Variants in ENPP6 observed in about 807,000 individuals in gnomAD.
ENPP6 encodes ectonucleotide pyrophosphatase/phosphodiesterase 6.
Under a neutral mutation model 42.0 loss-of-function variants are expected in ENPP6, and 32 were observed. The ratio of observed to expected loss-of-function variants is 0.76; its 90% CI spans 0.58 to 1.02. The LOEUF is 1.02. Among genes scored for constraint, ENPP6 ranks in the 50% least tolerant of loss-of-function variants. The pLI, the probability that ENPP6 is intolerant of heterozygous loss-of-function variation, is 0.00. For missense variants in ENPP6, 552 were observed against 566.8 expected, an observed-to-expected ratio of 0.97 and a Z score of 0.27; for synonymous variants, 213 against 216.0, an observed-to-expected ratio of 0.99 and a Z score of 0.12.
At position 184,089,340 on chromosome 4, in the gene ENPP6, T is replaced by C. The variant is rs1337484639; in HGVS notation, c.*1837A>G. ...CAGCTTTCCTGAATCAAGGTGAACG[T>C]TGATATTCAGTTTTCAAGGTAACAC... On this transcript the variant is annotated 3_prime_UTR_variant, in exon 8 of 8. Coordinates refer to ENST00000296741, the MANE Select transcript of ENPP6 (RefSeq NM_153343.4). 1 of 152,210 alleles carries C rather than the reference T, an allele frequency of 6.6e-6. No individual in the cohort carries two copies. The highest frequency in any genetic ancestry group is 1.5e-5 in the Non-Finnish European group (1 of 68,042). 9.4% of individuals were successfully genotyped at this position (152,210 alleles called of 1,614,324 possible).
At chr4:184,179,412 C>T (rs569147709) in intron 1 of ENPP6, among the ~76,000 whole-genome samples, 1 of 152,266 alleles carries the variant, frequency 6.6e-6, no homozygotes, top group South Asian at 2.1e-4. Context: ...CTTAGACTCC[C>T]ACACAATAAT....
rs1177042082 is a variant in ENPP6 at position 184,212,040 on chromosome 4, C to G, written c.241+5539G>C. The stretch of plus-strand genomic sequence containing the variant: ...AAAGCCTTTGACAAAATTCAACAAC[C>G]CTTCATGCTAAAAACTCTCAATAAA... On this transcript the variant is annotated intron_variant, in intron 1 of 7. Coordinates refer to ENST00000296741, the MANE Select transcript of ENPP6 (RefSeq NM_153343.4). Among the ~76,000 whole-genome samples, 26 of 151,132 alleles carry G rather than the reference C, an allele frequency of 1.7e-4. No homozygotes were observed. The East Asian group carries it at 3.9e-3, about 23-fold the overall frequency.
Position 184,112,768 on chromosome 4 carries a change from G to A in ENPP6, c.897C>T (p.Tyr299=), listed in dbSNP as rs200617400. The change falls in exon 6 of 8, where the codon TAC becomes TAT. Residue 299 remains tyrosine (Y), a synonymous_variant. Transcript: ENST00000296741. ...KLSTVEHMTV[Y]EKEAIPSRFY... The stretch of plus-strand genomic sequence containing the variant: ...ACCTGCTTGGGATGGCTTCTTTCTC[G>A]TAGACAGTCATGTGTTCCACTGTGC... The A allele has an allele frequency of 1.7e-4, 282 of 1,614,040 alleles. No homozygotes were observed. In the South Asian group the frequency reaches 2.0e-3, roughly 12 times the overall value.
At chr4:184,170,968 C>A (rs1001370598) in intron 1 of ENPP6, among the ~76,000 whole-genome samples, 3 of 152,146 alleles carry the variant, frequency 2.0e-5, no homozygotes, top group African/African-American at 7.2e-5. Flanking sequence ...TTCTTTTAGG[C>A]GTGTCTATTT....
At chr4:184,139,315 T>C (rs964889261) in intron 2 of ENPP6, among the ~76,000 whole-genome samples, 1 of 152,302 alleles carries the variant, frequency 6.6e-6, no homozygotes, top group African/African-American at 2.4e-5. Context: ...GGAGCAAAGT[T>C]AATTATTCTG....
At chr4:184,102,624 G>C (rs1736024518) in intron 6 of ENPP6, among the ~76,000 whole-genome samples, 1 of 152,194 alleles carries the variant, frequency 6.6e-6, no homozygotes, top group Non-Finnish European at 1.5e-5. Flanking sequence ...GTGGCTGGAG[G>C]GTTGAAATCT....
intron 1 of ENPP6, among the ~76,000 whole-genome samples, chr4:184,207,961 G>T (rs979079883): frequency 6.6e-6 from 1 of 152,030 alleles, no homozygotes; most frequent in Non-Finnish European, 1.5e-5. Flanking sequence ...GTGTCTCTTC[G>T]CCTTCCTATA....
chr4:184,132,949 T>A (rs112133759), intron 2 of ENPP6, among the ~76,000 whole-genome samples: 3,386 of 152,120 alleles, frequency 0.022, 143 homozygotes, highest in African/African-American at 0.077. Context: ...TTGGATCATA[T>A]GTTTGTGGGT....
intron 3 of ENPP6, among the ~76,000 whole-genome samples, chr4:184,122,630 A>G (rs570541605): frequency 6.6e-6 from 1 of 152,274 alleles, no homozygotes; most frequent in African/African-American, 2.4e-5. Flanking sequence ...TGGGATTCTC[A>G]TGGCTGTGTG....
chr4:184,169,184 C>A (rs1251322278), intron 1 of ENPP6, among the ~76,000 whole-genome samples: 2 of 152,244 alleles, frequency 1.3e-5, no homozygotes, highest in Non-Finnish European at 2.9e-5. Flanking sequence ...TGTGACCCAA[C>A]CTCTCTGGCT....
At chr4:184,213,204 A>G (rs1458779377) in intron 1 of ENPP6, among the ~76,000 whole-genome samples, 2 of 152,104 alleles carry the variant, frequency 1.3e-5, no homozygotes, top group Non-Finnish European at 2.9e-5. Flanking sequence ...CTAAAACACC[A>G]AAAGCAATGG....
intron 6 of ENPP6, among the ~76,000 whole-genome samples, chr4:184,104,699 G>T (rs1487536785): frequency 6.6e-6 from 1 of 152,214 alleles, no homozygotes; most frequent in Admixed American, 6.5e-5. Context: ...TTTACTTGGT[G>T]ACTGGTTTAC....
intron 1 of ENPP6, among the ~76,000 whole-genome samples, chr4:184,191,708 A>G (rs6552768): frequency 0.76 from 115,518 of 152,152 alleles, 45,749 homozygotes; most frequent in East Asian, 0.98. Context: ...TCAAGATTAG[A>G]AAGGAAGAAG....
chr4:184,207,648 C>T (rs1310285455), intron 1 of ENPP6, among the ~76,000 whole-genome samples: 1 of 152,208 alleles, frequency 6.6e-6, no homozygotes, highest in Non-Finnish European at 1.5e-5. Flanking sequence ...GCTGTTTCTT[C>T]CAGCTCAGAT....
chr4:184,189,500 G>A (rs753215839), intron 1 of ENPP6, among the ~76,000 whole-genome samples: 1 of 152,118 alleles, frequency 6.6e-6, no homozygotes, highest in African/African-American at 2.4e-5. Context: ...ACAGGCTTCC[G>A]GTGCTAAGCA....
intron 1 of ENPP6, among the ~76,000 whole-genome samples, chr4:184,217,304 C>A (rs948819684): frequency 1.3e-5 from 2 of 152,176 alleles, no homozygotes; most frequent in Non-Finnish European, 2.9e-5. Context: ...TAAACGACCA[C>A]TTTTAATATC....
At chr4:184,153,858 T>C in intron 1 of ENPP6, 125 bp from the exon 2 acceptor site, 1 of 1,133,444 alleles carries the variant, frequency 8.8e-7, no homozygotes, top group African/African-American at 1.7e-5. Context: ...AAGATTTGCT[T>C]TTGACTTTAA....
chr4:184,132,382 T>C (rs1429889215), intron 2 of ENPP6, among the ~76,000 whole-genome samples: 3 of 127,126 alleles, frequency 2.4e-5, no homozygotes, highest in Admixed American at 1.6e-4. Context: ...AGCTCATATT[T>C]TTCTATTGAG....
At chr4:184,161,639 T>A (rs1737258571) in intron 1 of ENPP6, among the ~76,000 whole-genome samples, 1 of 150,864 alleles carries the variant, frequency 6.6e-6, no homozygotes, top group Non-Finnish European at 1.5e-5. Context: ...CAAATGCTCA[T>A]TAATCAATGA....
Sources: allele counts gnomAD v4.1 joint callset (sites outside exome capture counted in the v4.1 genomes callset), GRCh38; gene constraint gnomAD v4.1.1; transcripts MANE v1.5; gene names NCBI Gene and HGNC (gene_info 2026-07-23, HGNC 2026-07-21).